The following DYM variants were observed in gnomAD, a reference collection of about 807,000 sequenced individuals.
The protein encoded by DYM is dymeclin.
Under a neutral mutation model 93.1 loss-of-function variants are expected in DYM, and 78 were observed. The ratio of observed to expected loss-of-function variants is 0.84; its 90% CI spans 0.70 to 1.01. The LOEUF (loss-of-function observed/expected upper bound fraction) is 1.01. DYM is among the 50% of genes least tolerant of loss of function. The pLI is 0.00. For missense variants in DYM, 789 were observed against 845.0 expected (o/e 0.93, Z 0.82); for synonymous variants, 321 against 319.7 (o/e 1.00, Z -0.04).
intron 2 of DYM, among the ~76,000 whole-genome samples, chr18:49,419,478 G>A (rs1248350593): frequency 6.6e-6 from 1 of 152,076 alleles, no homozygotes; most frequent in Non-Finnish European, 1.5e-5. Flanking sequence ...CGACAAAAAT[G>A]GCTAACAAAT....
intron 2 of DYM, among the ~76,000 whole-genome samples, chr18:49,401,448 T>C (rs1399991194): frequency 2.6e-5 from 4 of 152,236 alleles, no homozygotes; most frequent in Non-Finnish European, 1.5e-5. Flanking sequence ...ATTTGTGGGA[T>C]ACATGTGGTA....
At chr18:49,405,279 T>C (rs569925980) in intron 2 of DYM, among the ~76,000 whole-genome samples, 4 of 152,318 alleles carry the variant, frequency 2.6e-5, no homozygotes, top group African/African-American at 9.6e-5. Context: ...TTTGTTTTTG[T>C]TACAATTGTT....
intron 13 of DYM, among the ~76,000 whole-genome samples, chr18:49,251,875 A>T (rs1267413166): frequency 6.6e-6 from 1 of 152,048 alleles, no homozygotes; most frequent in African/African-American, 2.4e-5. Flanking sequence ...CTAGATTATG[A>T]ATTTAGATTT....
chr18:49,346,083 A>C (rs554740665), intron 6 of DYM, among the ~76,000 whole-genome samples: 97 of 152,340 alleles, frequency 6.4e-4, no homozygotes, highest in Non-Finnish European at 1.2e-3. Flanking sequence ...TAACTCAAAA[A>C]GTTAAATACA....
intron 6 of DYM, among the ~76,000 whole-genome samples, chr18:49,357,115 C>T (rs1407511612): frequency 6.6e-6 from 1 of 152,182 alleles, no homozygotes; most frequent in Non-Finnish European, 1.5e-5. Flanking sequence ...AAGTCCCTAT[C>T]CAGTTCTTTT....
chr18:49,156,419 C>G lies in DYM; in HGVS notation c.1728+7266G>C, dbSNP rs528503894. Among the ~76,000 whole-genome samples the G allele has an allele frequency of 2.4e-3, 371 of 151,454 alleles. 4 individuals are homozygous for G. Among genetic ancestry groups the G allele is most frequent in the Non-Finnish European group, 2.8e-3 (188 of 67,780 alleles). On this transcript the variant is annotated intron_variant, in intron 15 of 17. Coordinates refer to ENST00000675505, the MANE Select transcript of DYM (RefSeq NM_001353214.3). ...TGTGGAAGACACACTCAAACCACGCCCCCCCCTCAAAAAAAACAACAACAA... is the reference window on the plus strand; with the variant it reads ...TGTGGAAGACACACTCAAACCACGCGCCCCCCTCAAAAAAAACAACAACAA...
intron 14 of DYM, among the ~76,000 whole-genome samples, chr18:49,189,326 G>C (rs2090752275): frequency 6.6e-6 from 1 of 152,130 alleles, no homozygotes; most frequent in South Asian, 2.1e-4. Context: ...AAGGGGTTGA[G>C]GTGGGGAAAA....
intron 14 of DYM, among the ~76,000 whole-genome samples, chr18:49,170,682 A>G (rs2088561812): frequency 6.8e-6 from 1 of 146,196 alleles, no homozygotes; most frequent in Admixed American, 7.1e-5. Context: ...CAGGAGGCTG[A>G]GGCAGGAGAA....
At chr18:49,416,215 T>A (rs1307613560) in intron 2 of DYM, among the ~76,000 whole-genome samples, 1 of 152,188 alleles carries the variant, frequency 6.6e-6, no homozygotes, top group African/African-American at 2.4e-5. Context: ...TGCATGATAG[T>A]GTTTCATCAT....
Position 49,321,762 on chromosome 18 carries a change from A to G in DYM, c.763+10102T>C, listed in dbSNP as rs73959317. 8.2e-3 allele frequency among the ~76,000 whole-genome samples: 1,193 copies of G among 145,886 alleles called. 9 individuals carry two copies. Among genetic ancestry groups the G allele is most frequent in the African/African-American group, 0.027 (1,098 of 40,590 alleles). On this transcript the variant is annotated intron_variant, in intron 8 of 17. Coordinates refer to ENST00000675505, the MANE Select transcript of DYM (RefSeq NM_001353214.3). The stretch of plus-strand genomic sequence containing the variant: ...TGAGTTCAATCCTGAAAAGGGGGGG[A>G]AAAAAGTCATTCTTTCTGTGAGCAC...
At chr18:49,192,304 A>G (rs2145710337) in intron 14 of DYM, among the ~76,000 whole-genome samples, 1 of 152,224 alleles carries the variant, frequency 6.6e-6, no homozygotes, top group Middle Eastern at 3.4e-3. Flanking sequence ...AGTTGTTTTG[A>G]GGATTTAAAT....
At chr18:49,078,406 T>C in intron 17 of DYM, among the ~76,000 whole-genome samples, 1 of 151,904 alleles carries the variant, frequency 6.6e-6, no homozygotes, top group Non-Finnish European at 1.5e-5. Context: ...TATATATATA[T>C]ACTACTTCAT....
chr18:49,079,135 T>C lies in DYM; in HGVS notation c.2025+18267A>G, dbSNP rs150414758. ...TTTTCCATTTGGCCCTTTTTAATTG[T>C]TTCTATTTCTCGGCTGAGACATCTC... On this transcript the variant is annotated intron_variant, in intron 17 of 17. Coordinates refer to ENST00000675505, the MANE Select transcript of DYM (RefSeq NM_001353214.3). Among the ~76,000 whole-genome samples, 5 of 152,360 alleles carry C rather than the reference T, an allele frequency of 3.3e-5. No individual in the cohort carries two copies. In the East Asian group the frequency reaches 9.6e-4, roughly 29 times the overall value.
At chr18:49,401,796 C>T (rs1432118587) in intron 2 of DYM, among the ~76,000 whole-genome samples, 2 of 152,012 alleles carry the variant, frequency 1.3e-5, no homozygotes, top group African/African-American at 2.4e-5. Context: ...GAGGCTGAAG[C>T]GGGTGGATCA....
chr18:49,416,140 C>A (rs2072961228), intron 2 of DYM, among the ~76,000 whole-genome samples: 1 of 152,162 alleles, frequency 6.6e-6, no homozygotes, highest in African/African-American at 2.4e-5. Flanking sequence ...AAGACAGAGT[C>A]CTAGGTCTTT....
chr18:49,243,613 TGA>T (rs1485854958), intron 13 of DYM, among the ~76,000 whole-genome samples: 1 of 143,216 alleles, frequency 7.0e-6, no homozygotes, highest in Non-Finnish European at 1.5e-5. Flanking sequence ...TGCAGTGAGC[TGA>T]GAGATCATGC....
chr18:49,280,540 G>C (rs2094944246), intron 10 of DYM, among the ~76,000 whole-genome samples: 1 of 152,174 alleles, frequency 6.6e-6, no homozygotes, highest in African/African-American at 2.4e-5. Flanking sequence ...ATTTTTGGAA[G>C]ACCTGAACAG....
At chr18:49,214,560 T>TAA (rs528419205) in intron 13 of DYM, among the ~76,000 whole-genome samples, 3 of 121,542 alleles carry the variant, frequency 2.5e-5, no homozygotes, top group Non-Finnish European at 3.5e-5. Flanking sequence ...AATCAATGAG[T>TAA]AAAAAAAAAA....
chr18:49,401,465 T>C (rs181714181), intron 2 of DYM, among the ~76,000 whole-genome samples: 302 of 152,322 alleles, frequency 2.0e-3, no homozygotes, highest in African/African-American at 6.7e-3. Flanking sequence ...GGTATTTTGA[T>C]ACATGTACAC....
Sources: allele counts gnomAD v4.1 joint callset (sites outside exome capture counted in the v4.1 genomes callset), GRCh38; gene constraint gnomAD v4.1.1; transcripts MANE v1.5; gene names NCBI Gene and HGNC (gene_info 2026-07-23, HGNC 2026-07-21).